The following RANBP2 variants were observed in gnomAD, a reference collection of about 807,000 sequenced individuals.
The protein encoded by RANBP2 is E3 SUMO-protein ligase RanBP2.
RANBP2 carries 57 observed loss-of-function variants against 303.6 expected under a neutral mutation model. That is an observed-to-expected ratio of 0.19 (90% confidence interval 0.15 to 0.23). The LOEUF (loss-of-function observed/expected upper bound fraction) is 0.23, where lower values mean the gene tolerates loss of function less well. Ranked by LOEUF, RANBP2 falls within the 10% of genes least tolerant of loss-of-function variation. RANBP2 has a pLI of 1.00. For missense variants in RANBP2, 3,138 were observed against 3,780.8 expected, an observed-to-expected ratio of 0.83 and a Z score of 4.46; for synonymous variants, 1,167 against 1,301.5, an observed-to-expected ratio of 0.90 and a Z score of 2.23.
At chr2:109,767,160 C>T in the RANBP2 span, among the ~76,000 whole-genome samples, 1 of 140,240 alleles carries the variant, frequency 7.1e-6, no homozygotes, top group Non-Finnish European at 1.5e-5. Flanking sequence ...CCAAATGTAG[C>T]TCTTCTATAC....
intron 6 of RANBP2, among the ~76,000 whole-genome samples, chr2:108,739,787 C>A (rs74661300): frequency 0.025 from 3,738 of 152,174 alleles, 97 homozygotes; most frequent in South Asian, 0.09. Flanking sequence ...AGTTGAAGAC[C>A]AGCCTGGCCA....
chr2:109,027,771 G>A, the RANBP2 span, among the ~76,000 whole-genome samples: 26 of 152,164 alleles, frequency 1.7e-4, no homozygotes, highest in Middle Eastern at 3.4e-3. Context: ...GTGGGTGGGC[G>A]GCAGCTCTGC....
At chr2:109,121,814 T>G in the RANBP2 span, among the ~76,000 whole-genome samples, 13 of 152,290 alleles carry the variant, frequency 8.5e-5, no homozygotes, top group East Asian at 2.3e-3. Flanking sequence ...TTGAATCACA[T>G]CTCTAACTGC....
the RANBP2 span, among the ~76,000 whole-genome samples, chr2:108,810,966 A>T: frequency 6.6e-6 from 1 of 152,138 alleles, no homozygotes; most frequent in Admixed American, 6.5e-5. Flanking sequence ...GTTTGTTGGC[A>T]TATAGTTGTT....
At chr2:109,064,999 G>T in the RANBP2 span, among the ~76,000 whole-genome samples, 1 of 152,138 alleles carries the variant, frequency 6.6e-6, no homozygotes, top group African/African-American at 2.4e-5. Context: ...AAATAAAATG[G>T]AATATCATAG....
the RANBP2 span, chr2:109,794,608 C>CGGCGGCCGCCG: frequency 5.4e-6 from 1 of 186,094 alleles, no homozygotes; most frequent in South Asian, 2.7e-4. Flanking sequence ...GCGGCGGCGG[C>CGGCGGCCGCCG]GGGGGGGGCG....
At chr2:109,711,812 A>G in the RANBP2 span, among the ~76,000 whole-genome samples, 4 of 152,126 alleles carry the variant, frequency 2.6e-5, no homozygotes, top group South Asian at 2.1e-4. Context: ...TCTCTTCTGC[A>G]TGGCACTTAG....
At chr2:109,281,334 G>A in the RANBP2 span, among the ~76,000 whole-genome samples, 6 of 152,292 alleles carry the variant, frequency 3.9e-5, no homozygotes, top group South Asian at 2.1e-4. Context: ...GGCCCCCTCC[G>A]TTATCCATCA....
At chr2:108,846,140 G>C in the RANBP2 span, among the ~76,000 whole-genome samples, 1 of 152,118 alleles carries the variant, frequency 6.6e-6, no homozygotes, top group African/African-American at 2.4e-5. Context: ...TGATAAGCTG[G>C]TTTTCATTGA....
the RANBP2 span, among the ~76,000 whole-genome samples, chr2:108,941,517 A>G: frequency 1.3e-5 from 2 of 152,158 alleles, no homozygotes; most frequent in African/African-American, 4.8e-5. Context: ...CTTCCTGACC[A>G]GCTGGCAGCT....
the RANBP2 span, among the ~76,000 whole-genome samples, chr2:109,153,081 C>T: frequency 1.3e-5 from 2 of 152,196 alleles, no homozygotes; most frequent in Non-Finnish European, 2.9e-5. Context: ...AAGACAGTCA[C>T]TGTGAAGCTT....
the RANBP2 span, among the ~76,000 whole-genome samples, chr2:109,045,734 A>T: frequency 6.6e-6 from 1 of 151,998 alleles, no homozygotes; most frequent in Admixed American, 6.6e-5. Context: ...ACTTTTTATT[A>T]CCTTGGCGGA....
the RANBP2 span, among the ~76,000 whole-genome samples, chr2:109,163,383 A>G: frequency 6.8e-6 from 1 of 147,204 alleles, no homozygotes; most frequent in East Asian, 2.0e-4. Context: ...AACCAAGAGC[A>G]AATATTCTTT....
At chr2:108,974,087 T>C in the RANBP2 span, among the ~76,000 whole-genome samples, 1,297 of 152,094 alleles carry the variant, frequency 8.5e-3, 28 homozygotes, top group African/African-American at 0.03. Context: ...CCCAGCACTT[T>C]GGGAGGCCGA....
chr2:108,869,479 C>T, the RANBP2 span, among the ~76,000 whole-genome samples: 29 of 152,070 alleles, frequency 1.9e-4, no homozygotes, highest in East Asian at 5.8e-4. Context: ...ACAGGGAATG[C>T]GGCATGGTTT....
At chr2:109,100,494 G>T in the RANBP2 span, among the ~76,000 whole-genome samples, 5 of 152,136 alleles carry the variant, frequency 3.3e-5, no homozygotes, top group African/African-American at 9.7e-5. Context: ...ATGCCAAAAA[G>T]GTTAGGGGCC....
At chr2:109,617,773 C>A in the RANBP2 span, 1 of 165,192 alleles carries the variant, frequency 6.1e-6, no homozygotes, top group African/African-American at 2.4e-5. Context: ...AATCCCAGCA[C>A]TTTGGGAGGC....
chr2:109,683,460 G>T, the RANBP2 span, among the ~76,000 whole-genome samples: 1 of 152,130 alleles, frequency 6.6e-6, no homozygotes, highest in Non-Finnish European at 1.5e-5. Context: ...GGGTGAAGAG[G>T]AAGTTTCCCA....
the RANBP2 span, among the ~76,000 whole-genome samples, chr2:109,254,192 T>C: frequency 6.6e-6 from 1 of 152,140 alleles, no homozygotes; most frequent in African/African-American, 2.4e-5. Flanking sequence ...TCTGTTAGCA[T>C]TTTATAGACT....
Sources: gnomAD v4.1 joint callset for allele counts (sites outside exome capture counted in the v4.1 genomes callset) on GRCh38, gnomAD v4.1.1 for gene constraint, MANE v1.5 for transcripts, NCBI Gene and HGNC (gene_info 2026-07-23, HGNC 2026-07-21) for gene names.